Variants in SLC12A4 observed in about 807,000 individuals in gnomAD.
SLC12A4 encodes solute carrier family 12 member 4.
SLC12A4 carries 84 observed loss-of-function variants against 119.2 expected under a neutral mutation model. The observed-to-expected ratio is 0.70, with a 90% CI of 0.59 to 0.85. The LOEUF is 0.85. Ranked by LOEUF, SLC12A4 falls within the 40% of genes least tolerant of loss-of-function variation. The probability of loss-of-function intolerance (pLI) is 0.00; values close to 1 mark genes in which losing one functional copy is unlikely to be tolerated. For missense variants in SLC12A4, 1,298 were observed against 1,476.3 expected, an observed-to-expected ratio of 0.88 and a Z score of 1.98; for synonymous variants, 599 against 604.6, an observed-to-expected ratio of 0.99 and a Z score of 0.14.
In SLC12A4 at chr16:67,963,899, C is replaced by T. The variant is rs1435762639; in HGVS notation, c.116-340G>A. On this transcript the variant is annotated intron_variant, in intron 1 of 23. Coordinates refer to ENST00000316341, the MANE Select transcript of SLC12A4 (RefSeq NM_005072.5). Reference sequence around the variant, plus strand: ...GACCCGCCCCCAGATCGCCTCCACGCCCCAGTCCCTTTCCCGGTCTTTCCG... The same window carrying T: ...GACCCGCCCCCAGATCGCCTCCACGTCCCAGTCCCTTTCCCGGTCTTTCCG... 1.7e-5 allele frequency: 26 copies of T among 1,550,674 alleles called. No homozygotes were observed. In the Middle Eastern group the frequency reaches 5.0e-4, roughly 30 times the overall value.
At position 67,950,284 on chromosome 16, in the gene SLC12A4, G is replaced by A; in HGVS notation, c.1629+35C>T. On this transcript the variant is annotated intron_variant, in intron 12 of 23. Coordinates refer to ENST00000316341, the MANE Select transcript of SLC12A4 (RefSeq NM_005072.5). The surrounding 1 kb of genome is among the most constrained non-coding windows in gnomAD (Gnocchi z 4.3). The stretch of plus-strand genomic sequence containing the variant: ...TCCCCAGCCGGGCGAGGGCCTGGGA[G>A]CAGCCAGGCCATGGGGGAGTGCAGA... 1.2e-6 allele frequency: 2 copies of A among 1,602,282 alleles called. No individual in the cohort carries two copies. The highest frequency in any genetic ancestry group is 1.7e-6 in the Non-Finnish European group (2 of 1,173,212).
At chr16:67,945,641 G>T in intron 21 of SLC12A4, 88 bp from the exon 22 acceptor site, 1 of 1,517,982 alleles carries the variant, frequency 6.6e-7, no homozygotes, top group Non-Finnish European at 9.0e-7. Flanking sequence ...TTGCCTCCGG[G>T]AAATGAGCAC....
chr16:67,956,304 T>C (rs76981744), intron 5 of SLC12A4, among the ~76,000 whole-genome samples: 1 of 152,344 alleles, frequency 6.6e-6, no homozygotes, highest in African/African-American at 2.4e-5. Flanking sequence ...GACAACAATG[T>C]ATACAATGGT....
In SLC12A4 at chr16:67,951,741, G is replaced by A; in HGVS notation, c.1132+82C>T. 2 of 1,271,936 alleles carry A rather than the reference G, an allele frequency of 1.6e-6. No homozygotes were observed. Among genetic ancestry groups the A allele is most frequent in the Non-Finnish European group, 2.2e-6 (2 of 909,842 alleles). The allele number at this position is 1,271,936 out of a possible 1,614,324, so 78.8% of individuals were successfully genotyped here. A position where few individuals can be genotyped will look rare whatever the true frequency, so the allele number is the denominator to read the frequency against. On this transcript the variant is annotated intron_variant, in intron 8 of 23. Transcript: ENST00000316341. The surrounding 1 kb of genome is among the most constrained non-coding windows in gnomAD (Gnocchi z 5.2). ...CCAGTCCTGCCCCCGTTCCCAAGCT[G>A]GCCACACAAGGACAGCTCTGTGCTC...
chr16:67,960,578 G>A (rs1405690489), intron 3 of SLC12A4, among the ~76,000 whole-genome samples: 4 of 151,082 alleles, frequency 2.6e-5, no homozygotes, highest in Non-Finnish European at 2.9e-5. Context: ...AGCCAGGAGC[G>A]CCTTCTGCTT....
At position 67,967,839 on chromosome 16, in the gene SLC12A4, C is replaced by T. The variant is rs115276103; in HGVS notation, c.115+600G>A. Among the ~76,000 whole-genome samples the T allele has an allele frequency of 3.4e-3, 511 of 152,244 alleles. 2 individuals carry two copies. The highest frequency in any genetic ancestry group is 0.011 in the African/African-American group (473 of 41,540). On this transcript the variant is annotated intron_variant, in intron 1 of 23. Coordinates refer to ENST00000316341, the MANE Select transcript of SLC12A4 (RefSeq NM_005072.5). ...GAGGATTAAACGAGTTAACTCACTT[C>T]AAGTGCCTAGACACGTCCGGCTCCA...
intron 1 of SLC12A4, chr16:67,964,049 C>T (rs2030740693): frequency 6.5e-7 from 1 of 1,550,172 alleles, no homozygotes; most frequent in South Asian, 1.2e-5. Context: ...GGCCGGCTGG[C>T]TACCCCACCA....
Position 67,948,172 on chromosome 16 carries a change from G to A in SLC12A4, c.1749-13C>T, listed in dbSNP as rs1468753376. The stretch of plus-strand genomic sequence containing the variant: ...CATCAGAAAGAACCTGCGGCACAGA[G>A]GGCGGTTGGCGAAGAGCAGCCTCCT... On this transcript the variant is annotated splice_polypyrimidine_tract_variant and intron_variant, in intron 13 of 23. Transcript: ENST00000316341. 1 of 1,612,828 alleles carries A rather than the reference G, an allele frequency of 6.2e-7. No individual in the cohort carries two copies. The highest frequency in any genetic ancestry group is 8.5e-7 in the Non-Finnish European group (1 of 1,179,728).
In SLC12A4 at chr16:67,946,066, C is replaced by T. The variant is rs769347348; in HGVS notation, c.2624G>A (p.Arg875Gln). The T allele has an allele frequency of 2.0e-5, 33 of 1,613,812 alleles. No individual in the cohort carries two copies. The highest frequency in any genetic ancestry group is 8.3e-5 in the Admixed American group (5 of 59,998). ...LRQHKVWRKCRMRIFTVAQMD... is the reference protein window; with the variant it reads ...LRQHKVWRKCQMRIFTVAQMD... ...CTGGGCCACTGTGAAGATGCGCATC[C>T]GGCACTTCCTCCAGACCTGAGGCAA... is the stretch of plus-strand genomic sequence containing the variant. The change falls in exon 20 of 24, where the codon CGG (arginine) becomes CAG (glutamine). Residue 875 changes from arginine to glutamine, a missense_variant. Coordinates refer to ENST00000316341, the MANE Select transcript of SLC12A4 (RefSeq NM_005072.5).
chr16:67,947,598 A>G, intron 15 of SLC12A4, 71 bp downstream of exon 15: 1 of 1,544,824 alleles, frequency 6.5e-7, no homozygotes, highest in Non-Finnish European at 8.8e-7. Flanking sequence ...GCCCACCCCA[A>G]TGCCAGACCA....
Position 67,951,498 on chromosome 16 carries a change from A to G in SLC12A4, c.1133-194T>C, listed in dbSNP as rs2058415697. 2 of 669,220 alleles carry G rather than the reference A, an allele frequency of 3.0e-6. No individual in the cohort carries two copies. Among genetic ancestry groups the G allele is most frequent in the Middle Eastern group, 4.2e-4 (1 of 2,400 alleles). The allele number at this position is 669,220 out of a possible 1,614,324, so 41.5% of individuals were successfully genotyped here. A position where few individuals can be genotyped will look rare whatever the true frequency, so the allele number is the denominator to read the frequency against. ...CTGCCCAGCTAGAAGTCGACAGACA[A>G]AGGTGGCTGAACCACCGTCACCCAG... On this transcript the variant is annotated intron_variant, in intron 8 of 23. Transcript: ENST00000316341. This position sits in a 1 kb window ranked among gnomAD's most constrained non-coding sequence, Gnocchi z 5.2.
chr16:67,948,848 G>T (rs1199164859), intron 13 of SLC12A4, among the ~76,000 whole-genome samples: 1 of 152,162 alleles, frequency 6.6e-6, no homozygotes, highest in Non-Finnish European at 1.5e-5. Context: ...GGGTGTGGGG[G>T]GGTGGACAAG....
At position 67,946,306 on chromosome 16, in the gene SLC12A4, G is replaced by T; in HGVS notation, c.2472C>A (p.Ala824=). 1 of 1,612,118 alleles carries T rather than the reference G, an allele frequency of 6.2e-7. No homozygotes were observed. Among genetic ancestry groups the T allele is most frequent in the South Asian group, 1.1e-5 (1 of 91,086 alleles). The change falls in exon 19 of 24, where the codon GCC becomes GCA. Residue 824 remains alanine, a synonymous_variant. Coordinates refer to ENST00000316341, the MANE Select transcript of SLC12A4 (RefSeq NM_005072.5). ...AGGCGATGTTCTTGGGCACGAGCAGGGCCAGGTGGGCAGCCGTAGTGCAGC... is the reference window on the plus strand; with the variant it reads ...AGGCGATGTTCTTGGGCACGAGCAGTGCCAGGTGGGCAGCCGTAGTGCAGC... ...TVRCTTAAHL[A]LLVPKNIAFY... is the part of the protein sequence containing the mutation.
intron 1 of SLC12A4, chr16:67,966,774 T>C (rs1379627973): frequency 6.4e-7 from 1 of 1,551,270 alleles, no homozygotes; most frequent in Non-Finnish European, 8.7e-7. Context: ...GTGTCCCCCA[T>C]CCTGTAGACA....
Position 67,964,069 on chromosome 16 carries a change from C to T in SLC12A4, c.116-510G>A, listed in dbSNP as rs370971135. ...GCTGGCTACCCCACCATGCACTGCGCGGGGGGCGTCCTGCAGGGCAGCCCG... is the reference window on the plus strand; with the variant it reads ...GCTGGCTACCCCACCATGCACTGCGTGGGGGGCGTCCTGCAGGGCAGCCCG... On this transcript the variant is annotated intron_variant, in intron 1 of 23. Transcript: ENST00000316341. The T allele has an allele frequency of 7.1e-6, 11 of 1,541,200 alleles. No individual in the cohort carries two copies. In the Middle Eastern group the frequency reaches 8.9e-4, roughly 124 times the overall value.
chr16:67,948,206 G>A (rs1206742981), intron 13 of SLC12A4, 47 bp from the exon 14 acceptor site: 3 of 1,570,102 alleles, frequency 1.9e-6, no homozygotes, highest in Non-Finnish European at 1.8e-6. Context: ...CTCGGCAGCT[G>A]GGGACCTGAT....
chr16:67,945,217 G>C lies in SLC12A4; in HGVS notation c.3036C>G (p.Asp1012Glu). Residue 1012 changes from aspartate (D) to glutamate (E), a missense_variant, in exon 23 of 24, where the codon GAC becomes GAG. By Grantham distance (45) the Asp-to-Glu change is conservative (BLOSUM62 2). Coordinates refer to ENST00000316341, the MANE Select transcript of SLC12A4 (RefSeq NM_005072.5). ...NFRELVHIKP[D>E]QSNVRRMHTA... is the part of the protein sequence containing the mutation. ...TGTGCATGCGCCGCACATTGGATTGGTCCCTACACGTAGTGTAGCCAGTCA... is the reference window on the plus strand; with the variant it reads ...TGTGCATGCGCCGCACATTGGATTGCTCCCTACACGTAGTGTAGCCAGTCA... 6.4e-7 allele frequency: 1 copy of C among 1,556,178 alleles called. No homozygotes were observed. Among genetic ancestry groups the C allele is most frequent in the Non-Finnish European group, 8.7e-7 (1 of 1,149,138 alleles).
At position 67,943,722 on chromosome 16, in the gene SLC12A4, C is replaced by G. The variant is rs2058308354; in HGVS notation, c.*1118G>C. ...CCAAGACCTCAGGCACACCCCGTCC[C>G]CCACTCCGCCCCCCCTGGGTTAGAC... On this transcript the variant is annotated 3_prime_UTR_variant, in exon 24 of 24. Coordinates refer to ENST00000316341, the MANE Select transcript of SLC12A4 (RefSeq NM_005072.5). This position sits in a 1 kb window ranked among gnomAD's most constrained non-coding sequence, Gnocchi z 4.6. 2 of 571,622 alleles carry G rather than the reference C, an allele frequency of 3.5e-6. No homozygotes were observed. The highest frequency in any genetic ancestry group is 5.7e-5 in the East Asian group (2 of 34,826). The allele number at this position is 571,622 out of a possible 1,614,324, so 35.4% of individuals were successfully genotyped here.
At chr16:67,965,976 A>G (rs1383856514) in intron 1 of SLC12A4, among the ~76,000 whole-genome samples, 1 of 152,200 alleles carries the variant, frequency 6.6e-6, no homozygotes, top group Non-Finnish European at 1.5e-5. Context: ...ACTCCAGTCC[A>G]TCTATGCAGC....
Sources: allele counts gnomAD v4.1 joint callset (sites outside exome capture counted in the v4.1 genomes callset), GRCh38; gene constraint gnomAD v4.1.1; non-coding constraint Gnocchi (gnomAD v3.1); transcripts MANE v1.5; gene names NCBI Gene and HGNC (gene_info 2026-07-23, HGNC 2026-07-21).